MYRFL: variants seen among roughly 807,000 people sequenced by gnomAD.
MYRFL encodes the protein myelin regulatory factor like.
In MYRFL, 88 loss-of-function variants were observed where a neutral mutation model predicts 109.4. That is an observed-to-expected ratio of 0.80 (90% CI 0.68 to 0.96). The LOEUF is 0.96. Among genes scored for constraint, MYRFL ranks in the 40% least tolerant of loss-of-function variants. The pLI is 0.00. For missense variants in MYRFL, 957 were observed against 954.9 expected, an observed-to-expected ratio of 1.00 and a Z score of -0.03; for synonymous variants, 324 against 320.9, an observed-to-expected ratio of 1.01 and a Z score of -0.10.
intron 2 of MYRFL, among the ~76,000 whole-genome samples, chr12:69,871,235 T>TC (rs1302684101): frequency 3.0e-5 from 4 of 132,404 alleles, no homozygotes; most frequent in Admixed American, 7.0e-5. Flanking sequence ...ATATTTCTTT[T>TC]TTTTTTTTTT....
At chr12:69,863,954 G>A (rs1320804936) in intron 2 of MYRFL, among the ~76,000 whole-genome samples, 1 of 152,108 alleles carries the variant, frequency 6.6e-6, no homozygotes, top group Non-Finnish European at 1.5e-5. Flanking sequence ...TCCTCCCACA[G>A]CATTTAAAAA....
intron 16 of MYRFL, among the ~76,000 whole-genome samples, chr12:69,935,108 G>A (rs915328032): frequency 4.6e-5 from 7 of 152,116 alleles, no homozygotes; most frequent in Non-Finnish European, 1.0e-4. Flanking sequence ...CTTTTCCCAG[G>A]CAGGGCTGTG....
intron 15 of MYRFL, among the ~76,000 whole-genome samples, chr12:69,928,793 A>T (rs1387216995): frequency 6.6e-6 from 1 of 152,178 alleles, no homozygotes; most frequent in Non-Finnish European, 1.5e-5. Context: ...CTCAGCACAT[A>T]GTAGGTTAGT....
chr12:69,870,099 C>CTTTTTTTTTTTTTTTTTTTTTTT lies in MYRFL; in HGVS notation c.138-8924_138-8902dup, dbSNP rs754843682. On this transcript the variant is annotated intron_variant, in intron 2 of 24. Coordinates refer to ENST00000552032, the MANE Select transcript of MYRFL (RefSeq NM_182530.3). ...GCTAAGAATCTCTTGATTTTTCTTC[C>CTTTTTTTTTTTTTTTTTTTTTTT]TTTTTTTTTTTTTTTTTTTTTTTTT... is the stretch of plus-strand genomic sequence containing the variant. Among the ~76,000 whole-genome samples the CTTTTTTTTTTTTTTTTTTTTTTT allele has an allele frequency of 2.5e-5, 2 of 81,330 alleles. 1 individual carries two copies. The highest frequency in any genetic ancestry group is 1.0e-4 in the African/African-American group (2 of 19,366). The allele number at this position is 81,330 out of a possible 152,430, so 53.4% of individuals were successfully genotyped here. A position where few individuals can be genotyped will look rare whatever the true frequency, so the allele number is the denominator to read the frequency against.
chr12:69,924,635 G>C (rs543411890), intron 13 of MYRFL, among the ~76,000 whole-genome samples: 6 of 152,156 alleles, frequency 3.9e-5, no homozygotes, highest in Non-Finnish European at 7.4e-5. Flanking sequence ...AATTTTGCTA[G>C]ATATTGCTAA....
At chr12:69,910,704 G>A (rs772775386) in intron 12 of MYRFL, 117 bp from the exon 13 acceptor site, 142 of 637,274 alleles carry the variant, frequency 2.2e-4, no homozygotes, top group Non-Finnish European at 3.2e-4. Flanking sequence ...GTGGTTCTTG[G>A]CTCAAAATTC....
chr12:69,879,590 C>G (rs1463193371), intron 4 of MYRFL, 137 bp downstream of exon 4: 2 of 578,386 alleles, frequency 3.5e-6, no homozygotes, highest in East Asian at 2.8e-5. Context: ...TATAGGACAT[C>G]GCGAGGTCCC....
intron 2 of MYRFL, among the ~76,000 whole-genome samples, chr12:69,877,217 G>A (rs1885742212): frequency 6.6e-6 from 1 of 151,840 alleles, no homozygotes; most frequent in African/African-American, 2.4e-5. Flanking sequence ...TAGAGACGGA[G>A]TTTCACCGTG....
At chr12:69,845,807 A>C (rs1883496652) in intron 1 of MYRFL, among the ~76,000 whole-genome samples, 1 of 149,328 alleles carries the variant, frequency 6.7e-6, no homozygotes, top group South Asian at 2.1e-4. Flanking sequence ...AAAAAAAAAA[A>C]AAACCTTGTT....
Position 69,957,926 on chromosome 12 carries a change from C to T in MYRFL, c.2555C>T (p.Ser852Phe), listed in dbSNP as rs1263376841. ...GGGCTGGAAAGCCACAGAGAAATCT[C>T]CCAGGAGATGACACAGGTAATGTTT... is the stretch of plus-strand genomic sequence containing the variant. Reference protein sequence around the residue: ...TKGLESHREISQEMTQGYQHI... With the variant: ...TKGLESHREIFQEMTQGYQHI... The change falls in exon 23 of 25, where the codon TCC becomes TTC. Residue 852 changes from serine to phenylalanine, a missense_variant. Coordinates refer to ENST00000552032, the MANE Select transcript of MYRFL (RefSeq NM_182530.3). The T allele has an allele frequency of 6.5e-7, 1 of 1,533,710 alleles. No homozygotes were observed. Among genetic ancestry groups the T allele is most frequent in the African/African-American group, 1.4e-5 (1 of 73,116 alleles).
chr12:69,832,984 G>A (rs866644861), intron 1 of MYRFL, among the ~76,000 whole-genome samples: 28 of 122,950 alleles, frequency 2.3e-4, no homozygotes, highest in African/African-American at 7.3e-4. Flanking sequence ...GTGTGTGTGT[G>A]TGTAATTAAG....
chr12:69,840,485 C>CT (rs1327880991), intron 1 of MYRFL, among the ~76,000 whole-genome samples: 4 of 152,214 alleles, frequency 2.6e-5, no homozygotes, highest in African/African-American at 9.7e-5. Flanking sequence ...TTCCAAATGT[C>CT]TGCTTGGGTC....
chr12:69,931,878 T>TG (rs1955282784), intron 15 of MYRFL, among the ~76,000 whole-genome samples: 3 of 152,218 alleles, frequency 2.0e-5, no homozygotes, highest in Non-Finnish European at 4.4e-5. Context: ...TCCTGGAGAC[T>TG]ATAATTTACT....
chr12:69,861,268 T>A (rs1417205324), intron 2 of MYRFL, among the ~76,000 whole-genome samples: 1 of 152,070 alleles, frequency 6.6e-6, no homozygotes, highest in Admixed American at 6.6e-5. Context: ...TACCCAGTAA[T>A]GGGATGGCTG....
intron 5 of MYRFL, 68 bp from the exon 6 acceptor site, chr12:69,886,752 T>C (rs775677086): frequency 7.9e-6 from 12 of 1,513,974 alleles, no homozygotes; most frequent in Non-Finnish European, 8.8e-6. Flanking sequence ...ATCAGCTTCA[T>C]GCTGCTAGCT....
At chr12:69,845,040 C>T (rs1883447923) in intron 1 of MYRFL, among the ~76,000 whole-genome samples, 1 of 152,116 alleles carries the variant, frequency 6.6e-6, no homozygotes. Context: ...TTTTTCTCCA[C>T]CTGGCACGCT....
intron 1 of MYRFL, among the ~76,000 whole-genome samples, chr12:69,828,427 C>T (rs1183954438): frequency 6.6e-6 from 1 of 152,062 alleles, no homozygotes; most frequent in African/African-American, 2.4e-5. Context: ...GTAACATCTT[C>T]CTGGTCCCTT....
chr12:69,887,623 C>T (rs1023285162), intron 6 of MYRFL, among the ~76,000 whole-genome samples: 1 of 152,160 alleles, frequency 6.6e-6, no homozygotes, highest in African/African-American at 2.4e-5. Context: ...CCTACTTAAG[C>T]CTTCTAGAAT....
intron 9 of MYRFL, among the ~76,000 whole-genome samples, chr12:69,895,929 G>A (rs1187196015): frequency 6.6e-6 from 1 of 152,186 alleles, no homozygotes; most frequent in Non-Finnish European, 1.5e-5. Flanking sequence ...GACTAGCAGA[G>A]ATGGAAACTC....
Sources: gnomAD v4.1 joint callset for allele counts (sites outside exome capture counted in the v4.1 genomes callset) on GRCh38, gnomAD v4.1.1 for gene constraint, MANE v1.5 for transcripts, NCBI Gene and HGNC (gene_info 2026-07-23, HGNC 2026-07-21) for gene names.